RASGRP3: variants seen among roughly 807,000 people sequenced by gnomAD.
RASGRP3 encodes ras guanyl-releasing protein 3.
A neutral mutation model predicts 82.7 loss-of-function variants in RASGRP3; 54 were observed. The observed-to-expected ratio is 0.65, with a 90% CI of 0.52 to 0.82. The LOEUF is 0.82. Among genes scored for constraint, RASGRP3 ranks in the 40% least tolerant of loss-of-function variants. The pLI is 0.00. For missense variants in RASGRP3, 861 were observed against 828.9 expected (o/e 1.04, Z -0.48); for synonymous variants, 309 against 300.5 (o/e 1.03, Z -0.29).
At chr2:33,523,785 G>T in intron 7 of RASGRP3, 94 bp from the exon 8 acceptor site, 1 of 1,234,320 alleles carries the variant, frequency 8.1e-7, no homozygotes, top group Middle Eastern at 2.2e-4. Flanking sequence ...GTGTTGTTAC[G>T]AAACAATATC....
At chr2:33,499,048 A>T (rs961993926) in intron 1 of RASGRP3, among the ~76,000 whole-genome samples, 1 of 152,210 alleles carries the variant, frequency 6.6e-6, no homozygotes, top group Non-Finnish European at 1.5e-5. Context: ...CTGTTAATAT[A>T]AAAGAAATAA....
At chr2:33,559,146 G>C in intron 17 of RASGRP3, 116 bp downstream of exon 17, 1 of 840,848 alleles carries the variant, frequency 1.2e-6, no homozygotes, top group East Asian at 2.7e-5. Context: ...GAATGGTTGG[G>C]AATGAAGACA....
Position 33,557,578 on chromosome 2 carries a change from C to T in RASGRP3, c.1580-633C>T, listed in dbSNP as rs535329491. Among the ~76,000 whole-genome samples the T allele has an allele frequency of 1.2e-3, 182 of 151,976 alleles. 1 individual carries two copies. Among genetic ancestry groups the T allele is most frequent in the Middle Eastern group, 6.8e-3 (2 of 294 alleles). Reference sequence around the variant, plus strand: ...ACAAAAAATTAGCCAGGTGTGGTGGCGGGCACCTGTAGTCCCAGCTACTCG... The same window carrying T: ...ACAAAAAATTAGCCAGGTGTGGTGGTGGGCACCTGTAGTCCCAGCTACTCG... On this transcript the variant is annotated intron_variant, in intron 15 of 17. Coordinates refer to ENST00000403687, the MANE Select transcript of RASGRP3 (RefSeq NM_001139488.2).
At chr2:33,515,737 T>C (rs1235296890) in intron 3 of RASGRP3, among the ~76,000 whole-genome samples, 2 of 152,254 alleles carry the variant, frequency 1.3e-5, no homozygotes, top group African/African-American at 4.8e-5. Flanking sequence ...TTTTCAGCTG[T>C]ATGCTCCTTG....
At chr2:33,547,586 G>A (rs17013307) in intron 13 of RASGRP3, among the ~76,000 whole-genome samples, 2,906 of 152,080 alleles carry the variant, frequency 0.019, 110 homozygotes, top group African/African-American at 0.067. Flanking sequence ...GGATCATCAG[G>A]AAGAGAGGTC....
At chr2:33,439,630 C>G (rs545198313) in intron 1 of RASGRP3, among the ~76,000 whole-genome samples, 1 of 152,310 alleles carries the variant, frequency 6.6e-6, no homozygotes, top group South Asian at 2.1e-4. Context: ...CAGAAACTCA[C>G]ACTTAGCTGG....
chr2:33,517,359 C>T (rs1417351012), intron 4 of RASGRP3, among the ~76,000 whole-genome samples: 1 of 152,206 alleles, frequency 6.6e-6, no homozygotes, highest in Non-Finnish European at 1.5e-5. Context: ...TATACAATCT[C>T]TAATGTCAGT....
At position 33,524,457 on chromosome 2, in the gene RASGRP3, A is replaced by T; in HGVS notation, c.716A>T (p.Asn239Ile). The T allele has an allele frequency of 1.2e-6, 2 of 1,601,168 alleles. No homozygotes were observed. The highest frequency in any genetic ancestry group is 1.7e-6 in the Non-Finnish European group (2 of 1,174,026). ...AAGCTCCTTCAGCTCAAAAATTTTAACACCCTGATGGCAGTGGTGGGAGGC... is the reference window on the plus strand; with the variant it reads ...AAGCTCCTTCAGCTCAAAAATTTTATCACCCTGATGGCAGTGGTGGGAGGC... ...AKKLLQLKNF[N>I]TLMAVVGGLS... Residue 239 changes from asparagine (N) to isoleucine (I), a missense_variant, in exon 9 of 18, where the codon AAC (asparagine) becomes ATC (isoleucine). By Grantham distance (149) the Asn-to-Ile change is moderately radical (BLOSUM62 -3). Transcript: ENST00000403687.
chr2:33,561,850 A>T (rs74467029), intron 17 of RASGRP3, among the ~76,000 whole-genome samples: 1 of 152,314 alleles, frequency 6.6e-6, no homozygotes, highest in African/African-American at 2.4e-5. Flanking sequence ...CATCTCCCCA[A>T]TGACCACTAC....
At chr2:33,493,427 G>A (rs544205651) in intron 1 of RASGRP3, among the ~76,000 whole-genome samples, 12 of 152,150 alleles carry the variant, frequency 7.9e-5, no homozygotes, top group Non-Finnish European at 1.5e-4. Flanking sequence ...ACTGGGCAGA[G>A]GAGTACTTGA....
chr2:33,523,829 T>G, intron 7 of RASGRP3, 50 bp from the exon 8 acceptor site: 2 of 1,477,312 alleles, frequency 1.4e-6, no homozygotes, highest in Non-Finnish European at 1.8e-6. Flanking sequence ...AATTTTTGAT[T>G]TTACAAAGGC....
chr2:33,527,307 C>T lies in RASGRP3; in HGVS notation c.978C>T (p.Asn326=). ...FPDWTEENKV[N]IVKMHQLSVT... ...ACTGGACAGAGGAGAACAAAGTGAACATTGTGAAAATGCACCAGCTCTCCG... is the reference window on the plus strand; with the variant it reads ...ACTGGACAGAGGAGAACAAAGTGAATATTGTGAAAATGCACCAGCTCTCCG... The change falls in exon 10 of 18, where the codon AAC becomes AAT. Residue 326 remains asparagine (N), a synonymous_variant. Coordinates refer to ENST00000403687, the MANE Select transcript of RASGRP3 (RefSeq NM_001139488.2). The T allele has an allele frequency of 6.2e-7, 1 of 1,613,960 alleles. No homozygotes were observed. The highest frequency in any genetic ancestry group is 8.5e-7 in the Non-Finnish European group (1 of 1,179,836).
intron 3 of RASGRP3, among the ~76,000 whole-genome samples, chr2:33,515,508 C>G (rs1671373781): frequency 1.3e-5 from 2 of 152,198 alleles, no homozygotes; most frequent in Admixed American, 6.5e-5. Context: ...AGGGCCCTCT[C>G]AGATGTTCAT....
chr2:33,481,408 A>C (rs1268439245), intron 1 of RASGRP3: 1 of 152,058 alleles, frequency 6.6e-6, no homozygotes, highest in Non-Finnish European at 1.5e-5. Flanking sequence ...TGATCCACCC[A>C]CCTCGGCCTC....
chr2:33,474,116 T>A (rs1667220171), upstream of RASGRP3, among the ~76,000 whole-genome samples: 1 of 152,132 alleles, frequency 6.6e-6, no homozygotes, highest in Admixed American at 6.5e-5. Flanking sequence ...TAACAGACCA[T>A]GGACAGGTAC....
At chr2:33,508,344 T>A (rs542387465) in intron 1 of RASGRP3, among the ~76,000 whole-genome samples, 1 of 152,250 alleles carries the variant, frequency 6.6e-6, no homozygotes, top group African/African-American at 2.4e-5. Flanking sequence ...CTTTAAGTGC[T>A]AAGAATTAGC....
chr2:33,529,467 G>A (rs1450746972), intron 10 of RASGRP3, among the ~76,000 whole-genome samples: 2 of 49,574 alleles, frequency 4.0e-5, no homozygotes, highest in African/African-American at 1.2e-4. Context: ...TGCACTGGGC[G>A]ACAGAGCGAG....
intron 2 of RASGRP3, among the ~76,000 whole-genome samples, chr2:33,455,803 C>A (rs1324708516): frequency 6.6e-6 from 1 of 152,194 alleles, no homozygotes; most frequent in Non-Finnish European, 1.5e-5. Context: ...GGAGTTCTAG[C>A]TCCACTATTC....
intron 1 of RASGRP3, among the ~76,000 whole-genome samples, chr2:33,499,771 AAAAG>A (rs1056526279): frequency 2.3e-5 from 3 of 130,402 alleles, no homozygotes; most frequent in African/African-American, 1.0e-4. Context: ...TCCAAAAAAA[AAAAG>A]AGAGGATAAG....
Sources: gnomAD v4.1 joint callset for allele counts (sites outside exome capture counted in the v4.1 genomes callset) on GRCh38, gnomAD v4.1.1 for gene constraint, MANE v1.5 for transcripts, NCBI Gene and HGNC (gene_info 2026-07-23, HGNC 2026-07-21) for gene names.